The following MSI2 variants were observed in gnomAD, a reference collection of about 807,000 sequenced individuals.
The protein encoded by MSI2 is musashi RNA binding protein 2.
A neutral mutation model predicts 45.6 loss-of-function variants in MSI2; 17 were observed. That is an observed-to-expected ratio of 0.37 (90% CI 0.26 to 0.56). MSI2 has a LOEUF of 0.56. Among genes scored for constraint, MSI2 ranks in the 20% least tolerant of loss-of-function variants. MSI2 has a pLI of 0.77. For synonymous variants in MSI2, 156 were observed against 158.2 expected (o/e 0.99, Z 0.11); for missense variants, 293 against 444.2 (o/e 0.66, Z 3.06).
At chr17:57,566,814 C>T (rs1043100810) in intron 7 of MSI2, among the ~76,000 whole-genome samples, 1 of 152,172 alleles carries the variant, frequency 6.6e-6, no homozygotes, top group Non-Finnish European at 1.5e-5. Flanking sequence ...GAGGAGTGTT[C>T]AGAGGCGCAC....
At chr17:57,655,173 G>C (rs1025722439) in intron 11 of MSI2, among the ~76,000 whole-genome samples, 6 of 152,006 alleles carry the variant, frequency 3.9e-5, no homozygotes, top group Non-Finnish European at 1.5e-5. Flanking sequence ...GGGCTCAGGG[G>C]ACCCCACCAG....
At chr17:57,498,039 G>A (rs2086017026) in intron 6 of MSI2, among the ~76,000 whole-genome samples, 1 of 152,186 alleles carries the variant, frequency 6.6e-6, no homozygotes, top group South Asian at 2.1e-4. Flanking sequence ...ATAAATGAGA[G>A]AACTGATCCT....
At chr17:57,322,088 C>T (rs1054224965) in intron 5 of MSI2, among the ~76,000 whole-genome samples, 15 of 152,184 alleles carry the variant, frequency 9.9e-5, no homozygotes, top group Non-Finnish European at 1.8e-4. Context: ...TGAGCCACCG[C>T]GCCCAGGCCT....
intron 6 of MSI2, among the ~76,000 whole-genome samples, chr17:57,451,163 C>T (rs1012685223): frequency 2.0e-5 from 3 of 152,126 alleles, no homozygotes; most frequent in East Asian, 3.8e-4. Context: ...TTGAGCTTCC[C>T]GTGCCTTTAG....
chr17:57,553,891 G>T (rs1431567310), intron 7 of MSI2, among the ~76,000 whole-genome samples: 1 of 152,192 alleles, frequency 6.6e-6, no homozygotes, highest in Non-Finnish European at 1.5e-5. Context: ...TTCAAGAGAA[G>T]AAATTTAAAG....
At chr17:57,558,370 G>T (rs544082606) in intron 7 of MSI2, among the ~76,000 whole-genome samples, 293 of 152,188 alleles carry the variant, frequency 1.9e-3, no homozygotes, top group African/African-American at 6.6e-3. Context: ...AAAGAGGGTC[G>T]GTTCCCCTTT....
At chr17:57,326,397 C>A (rs1421946732) in intron 5 of MSI2, among the ~76,000 whole-genome samples, 3 of 152,068 alleles carry the variant, frequency 2.0e-5, no homozygotes, top group Admixed American at 2.0e-4. Flanking sequence ...TGACTTATTA[C>A]CTGTCTGCAA....
intron 7 of MSI2, among the ~76,000 whole-genome samples, chr17:57,553,333 G>A (rs1173512954): frequency 6.6e-6 from 1 of 152,144 alleles, no homozygotes; most frequent in African/African-American, 2.4e-5. Context: ...TCTTTCACTC[G>A]GCAATTTTTC....
chr17:57,322,126 G>T (rs915299000), intron 5 of MSI2, among the ~76,000 whole-genome samples: 4 of 152,212 alleles, frequency 2.6e-5, no homozygotes, highest in Non-Finnish European at 5.9e-5. Flanking sequence ...CTCCATGAGG[G>T]TAGGGGCAGG....
intron 5 of MSI2, among the ~76,000 whole-genome samples, chr17:57,346,881 A>G (rs1294243133): frequency 6.6e-6 from 1 of 152,226 alleles, no homozygotes; most frequent in Non-Finnish European, 1.5e-5. Context: ...TGCTGGGATT[A>G]CAAGTGTGAG....
intron 5 of MSI2, among the ~76,000 whole-genome samples, chr17:57,316,449 C>CA (rs1186527250): frequency 2.0e-5 from 3 of 151,954 alleles, no homozygotes; most frequent in Admixed American, 2.0e-4. Context: ...TTCAGCCTCC[C>CA]AAGTAGCTGG....
chr17:57,332,397 A>C (rs181267352), intron 5 of MSI2, among the ~76,000 whole-genome samples: 11 of 152,260 alleles, frequency 7.2e-5, no homozygotes, highest in African/African-American at 2.6e-4. Context: ...CATTGTGCCC[A>C]GCCTATGTTG....
chr17:57,375,139 A>C (rs1253112842), intron 5 of MSI2, among the ~76,000 whole-genome samples: 1 of 152,242 alleles, frequency 6.6e-6, no homozygotes, highest in Admixed American at 6.5e-5. Flanking sequence ...ACAAACATCC[A>C]GCATGACTAC....
intron 7 of MSI2, among the ~76,000 whole-genome samples, chr17:57,586,524 G>T (rs1294499636): frequency 2.0e-5 from 3 of 151,872 alleles, no homozygotes; most frequent in Non-Finnish European, 1.5e-5. Flanking sequence ...ATCTCCTAGT[G>T]CCTGATGCCT....
chr17:57,463,520 C>A (rs187867897), intron 6 of MSI2, among the ~76,000 whole-genome samples: 2 of 152,114 alleles, frequency 1.3e-5, no homozygotes, highest in Non-Finnish European at 2.9e-5. Flanking sequence ...GCCCCGCCCT[C>A]CCAGCTGGCT....
Position 57,558,832 on chromosome 17 carries a change from G to A in MSI2, c.454+29108G>A, listed in dbSNP as rs541921700. Among the ~76,000 whole-genome samples the A allele has an allele frequency of 1.6e-3, 243 of 152,268 alleles. 1 individual carries two copies. Among genetic ancestry groups the A allele is most frequent in the Non-Finnish European group, 1.8e-3 (121 of 68,022 alleles). On this transcript the variant is annotated intron_variant, in intron 7 of 13. Transcript: ENST00000284073. ...TTCCAGCACTTTGGGAGGCCAAGGC[G>A]GGCAGATCACCTGAGGTCAGGAGTT...
intron 9 of MSI2, among the ~76,000 whole-genome samples, chr17:57,620,352 G>A (rs1253127166): frequency 6.6e-6 from 1 of 152,230 alleles, no homozygotes; most frequent in Non-Finnish European, 1.5e-5. Context: ...CTAGTAAGAT[G>A]TATGTTCATG....
chr17:57,295,000 C>A (rs1238472637), intron 5 of MSI2, among the ~76,000 whole-genome samples: 1 of 152,082 alleles, frequency 6.6e-6, no homozygotes, highest in African/African-American at 2.4e-5. Context: ...GTTTCAGGAC[C>A]ACCGAGCAGA....
intron 10 of MSI2, among the ~76,000 whole-genome samples, chr17:57,637,414 C>T (rs1008837455): frequency 7.2e-5 from 11 of 152,196 alleles, no homozygotes; most frequent in Non-Finnish European, 1.5e-5. Flanking sequence ...CTAATAGGCA[C>T]TTAATAAACG....
Sources: allele counts gnomAD v4.1 joint callset (sites outside exome capture counted in the v4.1 genomes callset), GRCh38; gene constraint gnomAD v4.1.1; transcripts MANE v1.5; gene names NCBI Gene and HGNC (gene_info 2026-07-23, HGNC 2026-07-21).